EXD3: variants seen among roughly 807,000 people sequenced by gnomAD.
EXD3 encodes the protein exonuclease mut-7 homolog.
In EXD3, 92 loss-of-function variants were observed where a neutral mutation model predicts 98.0. The observed-to-expected ratio is 0.94, with a 90% CI of 0.79 to 1.12. The LOEUF is 1.12. Among genes scored for constraint, EXD3 ranks in the 50% most tolerant of loss-of-function variants. The probability of loss-of-function intolerance (pLI) is 0.00; values close to 1 mark genes in which losing one functional copy is unlikely to be tolerated. For missense variants in EXD3, 1,222 were observed against 1,191.6 expected, an observed-to-expected ratio of 1.03 and a Z score of -0.38; for synonymous variants, 569 against 526.0, an observed-to-expected ratio of 1.08 and a Z score of -1.12.
chr9:137,366,047 C>T, intron 7 of EXD3: 1 of 663,358 alleles, frequency 1.5e-6, no homozygotes, highest in South Asian at 1.5e-5. Context: ...CATGCACACA[C>T]ATGCACATGG....
intron 17 of EXD3, among the ~76,000 whole-genome samples, chr9:137,338,457 C>A (rs1464383142): frequency 6.6e-6 from 1 of 151,834 alleles, no homozygotes; most frequent in Non-Finnish European, 1.5e-5. Context: ...AATTAAAGAG[C>A]TAAGCAACGC....
chr9:137,328,652 C>T (rs1199559956), intron 17 of EXD3, among the ~76,000 whole-genome samples: 2 of 59,136 alleles, frequency 3.4e-5, no homozygotes, highest in East Asian at 1.2e-3. Flanking sequence ...CTACACGGGA[C>T]TACACGGGAC....
At chr9:137,388,762 C>T (rs1408770366) in intron 2 of EXD3, among the ~76,000 whole-genome samples, 2 of 152,160 alleles carry the variant, frequency 1.3e-5, no homozygotes, top group Non-Finnish European at 2.9e-5. Context: ...TCACAAAGCT[C>T]ACAGCCCGTC....
intron 1 of EXD3, among the ~76,000 whole-genome samples, chr9:137,404,913 C>T (rs1196560423): frequency 6.6e-6 from 1 of 152,088 alleles, no homozygotes. Context: ...ACGCCTGTCT[C>T]CTCCTTGCTC....
At position 137,347,289 on chromosome 9, in the gene EXD3, G is replaced by C. The variant is rs1203537489; in HGVS notation, c.1998+782C>G. 6.6e-6 allele frequency among the ~76,000 whole-genome samples: 1 copy of C among 152,198 alleles called. No individual in the cohort carries two copies. Among genetic ancestry groups the C allele is most frequent in the Non-Finnish European group, 1.5e-5 (1 of 68,036 alleles). ...CTTAGGAGACTCCGGGGAAGAACCT[G>C]CTTCTGGGCTTGGTCAGGTGTTGGC... On this transcript the variant is annotated intron_variant, in intron 17 of 21. Transcript: ENST00000340951. This position sits in a 1 kb window ranked among gnomAD's most constrained non-coding sequence, Gnocchi z 4.2.
rs115803566 is a variant in EXD3 at position 137,374,188 on chromosome 9, G to A, written c.121-589C>T. The stretch of plus-strand genomic sequence containing the variant: ...GTGGATTCCTGCAAGTGAGTCAACC[G>A]CTATAGACTTCAAGCCATAACGACT... On this transcript the variant is annotated intron_variant, in intron 3 of 21. Transcript: ENST00000340951. Among the ~76,000 whole-genome samples the A allele has an allele frequency of 2.3e-3, 351 of 152,352 alleles. 1 individual carries two copies. Among genetic ancestry groups the A allele is most frequent in the African/African-American group, 8.2e-3 (342 of 41,576 alleles).
chr9:137,402,095 A>G (rs1837502278), intron 1 of EXD3, among the ~76,000 whole-genome samples: 1 of 151,280 alleles, frequency 6.6e-6, no homozygotes, highest in Non-Finnish European at 1.5e-5. Context: ...GGCTCACTGC[A>G]ACCTCTGCCT....
intron 1 of EXD3, among the ~76,000 whole-genome samples, chr9:137,408,502 G>C (rs997832331): frequency 1.4e-5 from 2 of 137,992 alleles, no homozygotes; most frequent in African/African-American, 5.4e-5. Context: ...AGCCGAGATC[G>C]CACCACTACA....
chr9:137,353,761 G>T, intron 10 of EXD3: 1 of 985,702 alleles, frequency 1.0e-6, no homozygotes, highest in Non-Finnish European at 1.2e-6. Context: ...TGTCAGGCGG[G>T]AAGGGAGGGG....
At chr9:137,344,118 T>C (rs1190720855) in intron 17 of EXD3, among the ~76,000 whole-genome samples, 23 of 144,230 alleles carry the variant, frequency 1.6e-4, no homozygotes, top group East Asian at 8.4e-4. Flanking sequence ...GTCTCGATCT[T>C]CTGACCTGGT....
intron 3 of EXD3, among the ~76,000 whole-genome samples, chr9:137,375,197 C>T (rs956586783): frequency 1.8e-4 from 28 of 152,262 alleles, no homozygotes; most frequent in Admixed American, 1.8e-3. Flanking sequence ...TTAGTAGAGA[C>T]GGGGTTTCAC....
At chr9:137,318,084 G>A (rs753304585) in intron 19 of EXD3, among the ~76,000 whole-genome samples, 5 of 152,158 alleles carry the variant, frequency 3.3e-5, no homozygotes, top group Non-Finnish European at 7.4e-5. Context: ...AGGAATGGGC[G>A]GCACTGGGGC....
At position 137,351,300 on chromosome 9, in the gene EXD3, C is replaced by T. The variant is rs754852116; in HGVS notation, c.1384+18G>A. 6.2e-7 allele frequency: 1 copy of T among 1,604,686 alleles called. No homozygotes were observed. The highest frequency in any genetic ancestry group is 1.7e-5 in the Admixed American group (1 of 58,726). On this transcript the variant is annotated intron_variant, in intron 13 of 21. Coordinates refer to ENST00000340951, the MANE Select transcript of EXD3 (RefSeq NM_017820.5). ...CTTTCTTTCTGGACTGGGCAGGGGG[C>T]CCCAGGGCTTCACTCACCCAGCTTG...
At chr9:137,387,076 G>A (rs28560429) in intron 2 of EXD3, among the ~76,000 whole-genome samples, 14,698 of 125,496 alleles carry the variant, frequency 0.12, 1,666 homozygotes, top group African/African-American at 0.24. Context: ...CTTGGCCCCC[G>A]GCCCTTGCTT....
chr9:137,366,029 T>C, intron 7 of EXD3: 1 of 630,184 alleles, frequency 1.6e-6, no homozygotes, highest in Non-Finnish European at 2.9e-6. Flanking sequence ...CACACATACA[T>C]GCACACACAT....
intron 12 of EXD3, among the ~76,000 whole-genome samples, 157 bp from the exon 13 acceptor site, chr9:137,351,685 G>A (rs1834315117): frequency 6.6e-6 from 1 of 152,232 alleles, no homozygotes; most frequent in East Asian, 1.9e-4. Flanking sequence ...GGGGCACTAA[G>A]GCCTGTGCTC....
At chr9:137,411,415 C>T (rs1167049003) in intron 1 of EXD3, among the ~76,000 whole-genome samples, 1 of 151,918 alleles carries the variant, frequency 6.6e-6, no homozygotes, top group Non-Finnish European at 1.5e-5. Context: ...GGCCAGACAC[C>T]CGGCGGCCTC....
Position 137,366,546 on chromosome 9 carries a change from C to T in EXD3, c.603G>A (p.Leu201=). 2 of 1,551,854 alleles carry T rather than the reference C, an allele frequency of 1.3e-6. No individual in the cohort carries two copies. Among genetic ancestry groups the T allele is most frequent in the Non-Finnish European group, 1.7e-6 (2 of 1,147,848 alleles). ...GCTGGCACCAGGAATCCATGAGGACCAGCAGCCTCCTCTGGAGGTCCGGGA... is the reference window on the plus strand; with the variant it reads ...GCTGGCACCAGGAATCCATGAGGACTAGCAGCCTCCTCTGGAGGTCCGGGA... ...AGFPDLQRRL[L]VLMDSWCQPG... The change falls in exon 7 of 22, where the codon CTG becomes CTA. Residue 201 remains leucine (L), a synonymous_variant. Coordinates refer to ENST00000340951, the MANE Select transcript of EXD3 (RefSeq NM_017820.5).
At chr9:137,351,194 G>A (rs376002483) in intron 13 of EXD3, 47 bp from the exon 14 acceptor site, 82 of 1,535,470 alleles carry the variant, frequency 5.3e-5, no homozygotes, top group African/African-American at 9.6e-5. Flanking sequence ...GGCAGGGACC[G>A]CACTGTCCCC....
Sources: gnomAD v4.1 joint callset for allele counts (sites outside exome capture counted in the v4.1 genomes callset) on GRCh38, gnomAD v4.1.1 for gene constraint, Gnocchi (gnomAD v3.1) non-coding constraint, MANE v1.5 for transcripts, NCBI Gene and HGNC (gene_info 2026-07-23, HGNC 2026-07-21) for gene names.